Variants in TMEM167B observed in about 807,000 individuals in gnomAD.
TMEM167B encodes the protein transmembrane protein 167B.
A neutral mutation model predicts 9.4 loss-of-function variants in TMEM167B; 2 were observed. The ratio of observed to expected loss-of-function variants is 0.21; its 90% CI spans 0.09 to 0.67. The LOEUF is 0.67. Ranked by LOEUF, TMEM167B falls within the 30% of genes least tolerant of loss-of-function variation. TMEM167B has a pLI of 0.82. For synonymous variants in TMEM167B, 28 were observed against 32.0 expected (o/e 0.87, Z 0.42); for missense variants, 68 against 87.6 (o/e 0.78, Z 0.89).
At chr1:109,093,226 T>C (rs1288088540) in intron 2 of TMEM167B, 2 of 644,886 alleles carry the variant, frequency 3.1e-6, no homozygotes, top group Non-Finnish European at 5.0e-6. Flanking sequence ...GTGTGATGGC[T>C]CATGCCTATA....
At position 109,093,037 on chromosome 1, in the gene TMEM167B, G is replaced by A; in HGVS notation, c.142+16G>A. ...TTTTACAAAGGTGAGGCCATGTCTG[G>A]ACAGGGAGAAGAGACTGCCATCTCT... On this transcript the variant is annotated intron_variant, in intron 2 of 2. Transcript: ENST00000338272. 6.2e-7 allele frequency: 1 copy of A among 1,613,978 alleles called. No individual in the cohort carries two copies. The highest frequency in any genetic ancestry group is 1.7e-4 in the Middle Eastern group (1 of 6,052).
In TMEM167B at chr1:109,096,606, A is replaced by T. The variant is rs1040107977; in HGVS notation, c.*2107A>T. The T allele has an allele frequency of 1.6e-4, 24 of 152,244 alleles. No homozygotes were observed. Among genetic ancestry groups the T allele is most frequent in the Non-Finnish European group, 1.5e-5 (1 of 68,046 alleles). 9.4% of individuals were successfully genotyped at this position (152,244 alleles called of 1,614,324 possible). On this transcript the variant is annotated 3_prime_UTR_variant, in exon 3 of 3. Coordinates refer to ENST00000338272, the MANE Select transcript of TMEM167B (RefSeq NM_020141.4). The stretch of plus-strand genomic sequence containing the variant: ...GAATGTACCAAAAAGTGCACAAGGT[A>T]AAGGTAATTTACAGCCAGAAACAAA...
At position 109,094,654 on chromosome 1, in the gene TMEM167B, A is replaced by G; in HGVS notation, c.*155A>G. The G allele has an allele frequency of 3.0e-6, 2 of 670,452 alleles. No homozygotes were observed. The highest frequency in any genetic ancestry group is 5.2e-6 in the Non-Finnish European group (2 of 386,158). 41.5% of individuals were successfully genotyped at this position (670,452 alleles called of 1,614,324 possible). On this transcript the variant is annotated 3_prime_UTR_variant, in exon 3 of 3. Transcript: ENST00000338272. ...CCCCTGCTATATGTGGGGAAAACTC[A>G]TGGTCACGAACATTATTTATGCTTC...
intron 1 of TMEM167B, among the ~76,000 whole-genome samples, chr1:109,092,169 C>A (rs1320613100): frequency 6.6e-6 from 1 of 152,070 alleles, no homozygotes; most frequent in Non-Finnish European, 1.5e-5. Context: ...TATGTTGAAG[C>A]CTTAGATACT....
chr1:109,090,850 A>G lies in TMEM167B; in HGVS notation c.-23A>G, dbSNP rs1447449427. 8 of 1,584,120 alleles carry G rather than the reference A, an allele frequency of 5.1e-6. No homozygotes were observed. The Admixed American group carries it at 1.2e-4, about 25-fold the overall frequency. On this transcript the variant is annotated 5_prime_UTR_variant, in exon 1 of 3. Transcript: ENST00000338272. Reference sequence around the variant, plus strand: ...TATTACCACTGAACCCGGACCCCCTACCCAGGTCCAGGGCCAGCCGCCATG... The same window carrying G: ...TATTACCACTGAACCCGGACCCCCTGCCCAGGTCCAGGGCCAGCCGCCATG...
chr1:109,093,935 G>A (rs950822841), intron 2 of TMEM167B, among the ~76,000 whole-genome samples: 10 of 151,994 alleles, frequency 6.6e-5, no homozygotes, highest in South Asian at 2.1e-4. Flanking sequence ...TCAGGAGTTC[G>A]AGACCAGCCT....
In TMEM167B at chr1:109,095,871, G is replaced by A. The variant is rs974626405; in HGVS notation, c.*1372G>A. The A allele has an allele frequency of 6.6e-6, 1 of 152,112 alleles. No individual in the cohort carries two copies. Among genetic ancestry groups the A allele is most frequent in the African/African-American group, 2.4e-5 (1 of 41,406 alleles). 9.4% of individuals were successfully genotyped at this position (152,112 alleles called of 1,614,324 possible). Reference sequence around the variant, plus strand: ...TCTCCATTCCCTGCTTATATCTATGGAAGGATCAGCTGTTGGATGTCTAGA... The same window carrying A: ...TCTCCATTCCCTGCTTATATCTATGAAAGGATCAGCTGTTGGATGTCTAGA... On this transcript the variant is annotated 3_prime_UTR_variant, in exon 3 of 3. Coordinates refer to ENST00000338272, the MANE Select transcript of TMEM167B (RefSeq NM_020141.4).
rs535563704 is a variant in TMEM167B at position 109,090,893 on chromosome 1, A to G, written c.10+11A>G. On this transcript the variant is annotated intron_variant, in intron 1 of 2. Transcript: ENST00000338272. ...CCGCCATGACGAACGGTGAGAACTGATGCCCTGAGCGGAGGGTGGGAGTGA... is the reference window on the plus strand; with the variant it reads ...CCGCCATGACGAACGGTGAGAACTGGTGCCCTGAGCGGAGGGTGGGAGTGA... The G allele has an allele frequency of 3.6e-5, 57 of 1,591,702 alleles. No individual in the cohort carries two copies. In the Admixed American group the frequency reaches 9.9e-4, roughly 28 times the overall value.
chr1:109,092,758 T>A, intron 1 of TMEM167B, 132 bp from the exon 2 acceptor site: 1 of 1,018,090 alleles, frequency 9.8e-7, no homozygotes, highest in South Asian at 1.6e-5. Context: ...CCTTGTCAAG[T>A]GTCAGTACTG....
chr1:109,091,309 G>A (rs1168447858), intron 1 of TMEM167B, among the ~76,000 whole-genome samples: 1 of 152,120 alleles, frequency 6.6e-6, no homozygotes, highest in Non-Finnish European at 1.5e-5. Flanking sequence ...CCACACTTTT[G>A]GGGTTGCTGG....
rs996624282 is a variant in TMEM167B at position 109,090,995 on chromosome 1, C to G, written c.10+113C>G. 9 of 1,337,546 alleles carry G rather than the reference C, an allele frequency of 6.7e-6. No individual in the cohort carries two copies. In the East Asian group the frequency reaches 7.7e-5, roughly 11 times the overall value. The allele number at this position is 1,337,546 out of a possible 1,614,324, so 82.9% of individuals were successfully genotyped here. A position where few individuals can be genotyped will look rare whatever the true frequency, so the allele number is the denominator to read the frequency against. On this transcript the variant is annotated intron_variant, in intron 1 of 2. Coordinates refer to ENST00000338272, the MANE Select transcript of TMEM167B (RefSeq NM_020141.4). ...CCCCGCCCCCTCCCAGCCCGGCCCC[C>G]CTTGGCCTCTCGACGCCCCTAACTT...
At position 109,096,377 on chromosome 1, in the gene TMEM167B, A is replaced by G. The variant is rs1016900623; in HGVS notation, c.*1878A>G. ...GTCACTCCCTGGAAACAGGTTCAGC[A>G]TGTTTGCACTTGTTATTTTGTAGCT... On this transcript the variant is annotated 3_prime_UTR_variant, in exon 3 of 3. Coordinates refer to ENST00000338272, the MANE Select transcript of TMEM167B (RefSeq NM_020141.4). The G allele has an allele frequency of 1.3e-5, 2 of 152,236 alleles. No homozygotes were observed. The highest frequency in any genetic ancestry group is 1.3e-4 in the Admixed American group (2 of 15,280). 9.4% of individuals were successfully genotyped at this position (152,236 alleles called of 1,614,324 possible). A position where few individuals can be genotyped will look rare whatever the true frequency, so the allele number is the denominator to read the frequency against.
Position 109,094,735 on chromosome 1 carries a change from G to C in TMEM167B, c.*236G>C. The C allele has an allele frequency of 1.9e-6, 1 of 528,650 alleles. No homozygotes were observed. The highest frequency in any genetic ancestry group is 2.4e-5 in the South Asian group (1 of 42,302). 32.7% of individuals were successfully genotyped at this position (528,650 alleles called of 1,614,324 possible). ...TCTATGTGTAAATCAGTCCTTGGCA[G>C]AGTGCATATAATGTCCGGATAAATT... On this transcript the variant is annotated 3_prime_UTR_variant, in exon 3 of 3. Transcript: ENST00000338272.
Position 109,094,795 on chromosome 1 carries a change from A to G in TMEM167B, c.*296A>G. On this transcript the variant is annotated 3_prime_UTR_variant, in exon 3 of 3. Transcript: ENST00000338272. Reference sequence around the variant, plus strand: ...GGTGATAAGATTACATACCTCCTTCATAAAAACCTGTCATCCTGTTTTGTT... The same window carrying G: ...GGTGATAAGATTACATACCTCCTTCGTAAAAACCTGTCATCCTGTTTTGTT... 3.3e-6 allele frequency: 1 copy of G among 305,644 alleles called. No individual in the cohort carries two copies. Among genetic ancestry groups the G allele is most frequent in the South Asian group, 5.4e-5 (1 of 18,536 alleles). The allele number at this position is 305,644 out of a possible 1,614,324, so 18.9% of individuals were successfully genotyped here. A position where few individuals can be genotyped will look rare whatever the true frequency, so the allele number is the denominator to read the frequency against.
chr1:109,092,823 T>C, intron 1 of TMEM167B, 67 bp from the exon 2 acceptor site: 8 of 1,574,714 alleles, frequency 5.1e-6, no homozygotes, highest in Non-Finnish European at 6.9e-6. Context: ...CTTAGAGTTC[T>C]CAGGCGGGAT....
rs4617434 is a variant in TMEM167B at position 109,090,816 on chromosome 1, C to T, written c.-57C>T. On this transcript the variant is annotated 5_prime_UTR_variant, in exon 1 of 3. Transcript: ENST00000338272. ...AAGTGTCAAGCGGGCGCTCCCCCAT[C>T]TCCGCCGCTATTACCACTGAACCCG... 6.4e-7 allele frequency: 1 copy of T among 1,562,716 alleles called. No homozygotes were observed. The highest frequency in any genetic ancestry group is 8.7e-7 in the Non-Finnish European group (1 of 1,152,998).
At position 109,095,957 on chromosome 1, in the gene TMEM167B, C is replaced by T. The variant is rs1253317328; in HGVS notation, c.*1458C>T. 6.6e-6 allele frequency: 1 copy of T among 152,176 alleles called. No homozygotes were observed. Among genetic ancestry groups the T allele is most frequent in the African/African-American group, 2.4e-5 (1 of 41,436 alleles). 9.4% of individuals were successfully genotyped at this position (152,176 alleles called of 1,614,324 possible). On this transcript the variant is annotated 3_prime_UTR_variant, in exon 3 of 3. Coordinates refer to ENST00000338272, the MANE Select transcript of TMEM167B (RefSeq NM_020141.4). ...TTAAATTATTATAAGCAAGCATAGA[C>T]ATGGGTCTTCCAGTTGAATTGTCCA...
chr1:109,091,498 T>G (rs540795378), intron 1 of TMEM167B, among the ~76,000 whole-genome samples: 5 of 152,178 alleles, frequency 3.3e-5, no homozygotes, highest in Non-Finnish European at 5.9e-5. Flanking sequence ...TCCAGGCCTC[T>G]TCAAACACTT....
In TMEM167B at chr1:109,094,897, AAG is replaced by A. The variant is rs547255134; in HGVS notation, c.*406_*407del. On this transcript the variant is annotated 3_prime_UTR_variant, in exon 3 of 3. Coordinates refer to ENST00000338272, the MANE Select transcript of TMEM167B (RefSeq NM_020141.4). ...CTAGGCTGTGTTCAGACTTCTTTTG[AAG>A]AGAGAGAATTTTCAAGACTTCTTTT... 141 of 160,028 alleles carry A rather than the reference AAG, an allele frequency of 8.8e-4. 1 individual carries two copies. The highest frequency in any genetic ancestry group is 1.3e-3 in the Non-Finnish European group (96 of 73,374). 9.9% of individuals were successfully genotyped at this position (160,028 alleles called of 1,614,324 possible). A position where few individuals can be genotyped will look rare whatever the true frequency, so the allele number is the denominator to read the frequency against.
Sources: allele counts gnomAD v4.1 joint callset (sites outside exome capture counted in the v4.1 genomes callset), GRCh38; gene constraint gnomAD v4.1.1; transcripts MANE v1.5; gene names NCBI Gene and HGNC (gene_info 2026-07-23, HGNC 2026-07-21).